Variants in PRR5L observed in about 807,000 individuals in gnomAD.
The protein encoded by PRR5L is proline-rich protein 5-like.
A neutral mutation model predicts 36.4 loss-of-function variants in PRR5L; 21 were observed. The ratio of observed to expected loss-of-function variants is 0.58; its 90% CI spans 0.41 to 0.83. The LOEUF is 0.83. Ranked by LOEUF, PRR5L falls within the 40% of genes least tolerant of loss-of-function variation. PRR5L has a pLI of 0.00. For missense variants in PRR5L, 381 were observed against 473.3 expected (o/e 0.80, Z 1.81); for synonymous variants, 188 against 197.0 (o/e 0.95, Z 0.38).
intron 8 of PRR5L, among the ~76,000 whole-genome samples, chr11:36,461,628 A>G (rs1285594191): frequency 6.6e-6 from 1 of 152,156 alleles, no homozygotes; most frequent in African/African-American, 2.4e-5. Flanking sequence ...TCTCAAAAAA[A>G]AAACAAAAAG....
chr11:36,402,249 C>CT (rs1857812108), intron 2 of PRR5L, among the ~76,000 whole-genome samples: 1 of 152,078 alleles, frequency 6.6e-6, no homozygotes, highest in Admixed American at 6.6e-5. Context: ...GATCTTTTCT[C>CT]TTTTTTCTTT....
In PRR5L at chr11:36,453,146, C is replaced by T. The variant is rs534918194; in HGVS notation, c.712+1811C>T. ...CTGGCTGATAAGGGTCTAAAATTGT[C>T]TTCAGTGGTTAACCTTTGCTCTCCC... On this transcript the variant is annotated intron_variant, in intron 8 of 8. Coordinates refer to ENST00000530639, the MANE Select transcript of PRR5L (RefSeq NM_001160167.2). Among the ~76,000 whole-genome samples, 9 of 152,272 alleles carry T rather than the reference C, an allele frequency of 5.9e-5. No individual in the cohort carries two copies. The South Asian group carries it at 1.9e-3, about 32-fold the overall frequency.
intron 1 of PRR5L, among the ~76,000 whole-genome samples, chr11:36,342,247 T>C (rs1203380911): frequency 6.6e-6 from 1 of 152,146 alleles, no homozygotes; most frequent in African/African-American, 2.4e-5. Context: ...CTATAAACCG[T>C]ATTATTATCA....
chr11:36,439,285 G>C (rs888587385), intron 6 of PRR5L, among the ~76,000 whole-genome samples: 3 of 152,078 alleles, frequency 2.0e-5, no homozygotes, highest in African/African-American at 7.2e-5. Flanking sequence ...AGAATGGAGA[G>C]TGCAGGATCT....
At chr11:36,403,168 G>A in intron 2 of PRR5L, 130 bp from the exon 3 acceptor site, 1 of 651,372 alleles carries the variant, frequency 1.5e-6, no homozygotes, top group Non-Finnish European at 2.7e-6. Context: ...AATGGAGGAT[G>A]GATGGAGAGT....
rs1183946855 is a variant in PRR5L, at chr11:36,462,615, T to TC, written c.992dup (p.Pro332AlafsTer8). ...AAGTGCCTGCTCCTGCCACCCAGCT[T>TC]CCCCCCGCCCCACCGGCAGTGCTCC... On this transcript the variant is annotated frameshift_variant, in exon 9 of 9. Coordinates refer to ENST00000530639, the MANE Select transcript of PRR5L (RefSeq NM_001160167.2). LOFTEE classifies it high-confidence loss of function. The TC allele has an allele frequency of 1.2e-6, 2 of 1,611,890 alleles. No individual in the cohort carries two copies. The highest frequency in any genetic ancestry group is 1.3e-5 in the African/African-American group (1 of 74,806).
intron 6 of PRR5L, among the ~76,000 whole-genome samples, chr11:36,437,933 G>C (rs955265460): frequency 6.6e-6 from 1 of 152,088 alleles, no homozygotes; most frequent in East Asian, 1.9e-4. Context: ...TCCTCTGTAA[G>C]GGATCCTACG....
chr11:36,433,278 C>T (rs2133601182), intron 5 of PRR5L, among the ~76,000 whole-genome samples: 1 of 152,202 alleles, frequency 6.6e-6, no homozygotes, highest in East Asian at 1.9e-4. Context: ...TCCTCAGCCC[C>T]CGACAGCCAC....
intron 4 of PRR5L, among the ~76,000 whole-genome samples, chr11:36,426,841 T>TACAGGAAG (rs1251534208): frequency 2.6e-5 from 4 of 152,200 alleles, no homozygotes; most frequent in Non-Finnish European, 5.9e-5. Context: ...TTTACAGAAT[T>TACAGGAAG]CCTGCTTCCT....
intron 1 of PRR5L, among the ~76,000 whole-genome samples, chr11:36,323,918 T>C (rs1009654393): frequency 3.9e-5 from 6 of 152,320 alleles, no homozygotes; most frequent in Non-Finnish European, 7.4e-5. Flanking sequence ...AAAAGACTAA[T>C]AATACCGTGT....
At chr11:36,351,218 A>ATT (rs1856938995) in intron 1 of PRR5L, among the ~76,000 whole-genome samples, 2 of 91,170 alleles carry the variant, frequency 2.2e-5, no homozygotes, top group South Asian at 3.5e-4. Context: ...AAATATATAA[A>ATT]TATATATATT....
At chr11:36,399,195 GCTT>G (rs1857735459) in intron 1 of PRR5L, among the ~76,000 whole-genome samples, 1 of 152,102 alleles carries the variant, frequency 6.6e-6, no homozygotes, top group Non-Finnish European at 1.5e-5. Flanking sequence ...AGCCTGTTAT[GCTT>G]CTTTTGTTAA....
chr11:36,375,510 A>G (rs556505088), intron 1 of PRR5L, among the ~76,000 whole-genome samples: 44 of 152,184 alleles, frequency 2.9e-4, no homozygotes, highest in Non-Finnish European at 5.6e-4. Flanking sequence ...TTGAGATAAA[A>G]GGACATGCAC....
At chr11:36,403,445 G>A (rs1001950805) in intron 3 of PRR5L, 67 bp downstream of exon 3, 131 of 1,155,298 alleles carry the variant, frequency 1.1e-4, no homozygotes, top group Admixed American at 6.6e-4. Context: ...AGGGGCTACC[G>A]CCTTAGGAGC....
chr11:36,307,298 T>A (rs1012100148), intron 1 of PRR5L, among the ~76,000 whole-genome samples: 2 of 152,234 alleles, frequency 1.3e-5, no homozygotes, highest in African/African-American at 4.8e-5. Flanking sequence ...AAAATGAAGT[T>A]AAGGAAATTA....
intron 1 of PRR5L, chr11:36,376,353 AG>A (rs1857260305): frequency 2.1e-6 from 2 of 973,238 alleles, no homozygotes; most frequent in South Asian, 2.1e-5. Flanking sequence ...GAAGAGGAGG[AG>A]GAGGAGGAGG....
At chr11:36,302,624 A>G (rs1490780177) in intron 1 of PRR5L, among the ~76,000 whole-genome samples, 1 of 152,054 alleles carries the variant, frequency 6.6e-6, no homozygotes, top group African/African-American at 2.4e-5. Flanking sequence ...CATCTCTACT[A>G]AACATACAAA....
chr11:36,413,851 A>C (rs1310220659), intron 3 of PRR5L, among the ~76,000 whole-genome samples: 1 of 124,182 alleles, frequency 8.1e-6, no homozygotes. Flanking sequence ...TCCTAATGCT[A>C]TCCCTCCCCC....
chr11:36,401,553 T>C (rs1857797440), intron 2 of PRR5L, among the ~76,000 whole-genome samples: 1 of 151,996 alleles, frequency 6.6e-6, no homozygotes, highest in Admixed American at 6.5e-5. Flanking sequence ...GCCTCCCGAG[T>C]AGCTGGGACT....
Sources: gnomAD v4.1 joint callset for allele counts (sites outside exome capture counted in the v4.1 genomes callset) on GRCh38, gnomAD v4.1.1 for gene constraint, MANE v1.5 for transcripts, NCBI Gene and HGNC (gene_info 2026-07-23, HGNC 2026-07-21) for gene names.